GALNTL6: variants seen among roughly 807,000 people sequenced by gnomAD.
The protein encoded by GALNTL6 is polypeptide N-acetylgalactosaminyltransferase-like 6.
GALNTL6 carries 46 observed loss-of-function variants against 73.7 expected under a neutral mutation model. The observed-to-expected ratio is 0.62, with a 90% CI of 0.49 to 0.80. The LOEUF (loss-of-function observed/expected upper bound fraction) is 0.80, where lower values mean the gene tolerates loss of function less well. Ranked by LOEUF, GALNTL6 falls within the 30% of genes least tolerant of loss-of-function variation. The probability of loss-of-function intolerance (pLI) is 0.00; values close to 1 mark genes in which losing one functional copy is unlikely to be tolerated. For missense variants in GALNTL6, 604 were observed against 755.0 expected (o/e 0.80, Z 2.34); for synonymous variants, 259 against 263.7 (o/e 0.98, Z 0.17).
intron 7 of GALNTL6, among the ~76,000 whole-genome samples, chr4:172,845,676 C>T (rs942325316): frequency 6.6e-6 from 1 of 152,114 alleles, no homozygotes; most frequent in African/African-American, 2.4e-5. Flanking sequence ...TAGAATAAAA[C>T]TTCATTAATA....
At chr4:172,823,635 C>T (rs558428955) in intron 7 of GALNTL6, among the ~76,000 whole-genome samples, 1 of 152,178 alleles carries the variant, frequency 6.6e-6, no homozygotes, top group East Asian at 1.9e-4. Context: ...ACCCACAGAG[C>T]AGCCTAAATG....
chr4:173,033,679 A>T (rs958174986), intron 12 of GALNTL6, among the ~76,000 whole-genome samples: 3 of 152,146 alleles, frequency 2.0e-5, no homozygotes, highest in African/African-American at 7.2e-5. Flanking sequence ...CTGACAAACT[A>T]AGTGACCACA....
At chr4:172,154,668 T>C (rs980665741) in intron 2 of GALNTL6, among the ~76,000 whole-genome samples, 3 of 152,212 alleles carry the variant, frequency 2.0e-5, no homozygotes, top group African/African-American at 4.8e-5. Context: ...TCCTCTCACG[T>C]AGTCAGTACT....
In GALNTL6 at chr4:172,828,281, A is replaced by C. The variant is rs202153110; in HGVS notation, c.923+14558A>C. On this transcript the variant is annotated intron_variant, in intron 7 of 12. Transcript: ENST00000506823. Reference sequence around the variant, plus strand: ...AGCAAGACTCCATCTCAAAAAAAAAAAAAAAAAGAAACAAACAAAAAAAAC... The same window carrying C: ...AGCAAGACTCCATCTCAAAAAAAAACAAAAAAAGAAACAAACAAAAAAAAC... 1.0e-3 allele frequency among the ~76,000 whole-genome samples: 157 copies of C among 151,630 alleles called. 1 individual carries two copies. The South Asian group carries it at 0.023, about 22-fold the overall frequency.
intron 5 of GALNTL6, among the ~76,000 whole-genome samples, chr4:172,777,401 G>A (rs928275729): frequency 1.3e-5 from 2 of 151,958 alleles, no homozygotes; most frequent in African/African-American, 2.4e-5. Context: ...TATTTTTCCC[G>A]TATTACCTCT....
Position 172,176,163 on chromosome 4 carries a change from C to T in GALNTL6, c.139-53493C>T, listed in dbSNP as rs182185636. On this transcript the variant is annotated intron_variant, in intron 2 of 12. Coordinates refer to ENST00000506823, the MANE Select transcript of GALNTL6 (RefSeq NM_001034845.3). Reference sequence around the variant, plus strand: ...GACCATCCTGGCTAACACGGTGAAACCCCATCTCTACTAAAAAATACAAAA... The same window carrying T: ...GACCATCCTGGCTAACACGGTGAAATCCCATCTCTACTAAAAAATACAAAA... 2.7e-3 allele frequency among the ~76,000 whole-genome samples: 402 copies of T among 151,082 alleles called. 2 individuals are homozygous for T. Among genetic ancestry groups the T allele is most frequent in the African/African-American group, 9.5e-3 (390 of 41,146 alleles).
At chr4:171,830,395 A>G (rs1734936262) in intron 2 of GALNTL6, among the ~76,000 whole-genome samples, 2 of 152,170 alleles carry the variant, frequency 1.3e-5, no homozygotes, top group South Asian at 4.1e-4. Context: ...AGTGCTTAGC[A>G]TTATCTGACC....
At chr4:172,120,864 A>C (rs1733129910) in intron 2 of GALNTL6, among the ~76,000 whole-genome samples, 1 of 151,936 alleles carries the variant, frequency 6.6e-6, no homozygotes, top group Non-Finnish European at 1.5e-5. Context: ...TAAGTTGGAG[A>C]GTTTTTGGTC....
chr4:172,158,486 G>C (rs1021287256), intron 2 of GALNTL6, among the ~76,000 whole-genome samples: 58 of 151,688 alleles, frequency 3.8e-4, no homozygotes, highest in African/African-American at 1.3e-3. Flanking sequence ...GCTATGTTAA[G>C]TGATGATGTA....
chr4:172,706,592 A>G (rs1731389698), intron 5 of GALNTL6, among the ~76,000 whole-genome samples: 1 of 152,130 alleles, frequency 6.6e-6, no homozygotes. Context: ...TTTCCAGAGT[A>G]TGTCTGTCTG....
intron 5 of GALNTL6, among the ~76,000 whole-genome samples, chr4:172,768,670 A>T (rs1001240459): frequency 6.6e-6 from 1 of 152,118 alleles, no homozygotes; most frequent in Non-Finnish European, 1.5e-5. Flanking sequence ...CCAAATATGA[A>T]TGTGCCTGGA....
chr4:172,252,400 A>G (rs1330022221), intron 3 of GALNTL6, among the ~76,000 whole-genome samples: 1 of 152,172 alleles, frequency 6.6e-6, no homozygotes, highest in East Asian at 1.9e-4. Flanking sequence ...AGGTTGAGAG[A>G]CAGAATATAT....
In GALNTL6 at chr4:172,554,335, G is replaced by A. The variant is rs542578525; in HGVS notation, c.553+205646G>A. 5.3e-5 allele frequency among the ~76,000 whole-genome samples: 8 copies of A among 152,254 alleles called. No individual in the cohort carries two copies. In the East Asian group the frequency reaches 1.5e-3, roughly 29 times the overall value. On this transcript the variant is annotated intron_variant, in intron 5 of 12. Coordinates refer to ENST00000506823, the MANE Select transcript of GALNTL6 (RefSeq NM_001034845.3). ...TTAGTTTTGCCTTTTTCCTTTATAAGTGGACATTGGTTTCTAAAATAATTC... is the reference window on the plus strand; with the variant it reads ...TTAGTTTTGCCTTTTTCCTTTATAAATGGACATTGGTTTCTAAAATAATTC...
At chr4:171,856,622 T>A (rs572182711) in intron 2 of GALNTL6, among the ~76,000 whole-genome samples, 32 of 152,264 alleles carry the variant, frequency 2.1e-4, no homozygotes, top group African/African-American at 7.5e-4. Context: ...GTCTCAAGTA[T>A]TTTTTTCGTT....
chr4:172,497,600 C>G (rs1371632988), intron 5 of GALNTL6, among the ~76,000 whole-genome samples: 1 of 152,208 alleles, frequency 6.6e-6, no homozygotes, highest in Non-Finnish European at 1.5e-5. Context: ...CAGCATCTTT[C>G]TGTCATACAG....
chr4:172,564,267 C>T (rs1038597556), intron 5 of GALNTL6, among the ~76,000 whole-genome samples: 3 of 152,118 alleles, frequency 2.0e-5, no homozygotes, highest in African/African-American at 4.8e-5. Context: ...AGTTGATTTG[C>T]CCTATGCATA....
intron 2 of GALNTL6, among the ~76,000 whole-genome samples, chr4:172,220,621 A>T (rs929549559): frequency 1.4e-4 from 21 of 151,710 alleles, no homozygotes; most frequent in African/African-American, 3.6e-4. Flanking sequence ...ATTTTCATTA[A>T]TTTTTTCCAA....
intron 2 of GALNTL6, among the ~76,000 whole-genome samples, chr4:172,044,712 A>G (rs539102693): frequency 6.6e-6 from 1 of 152,144 alleles, no homozygotes; most frequent in Non-Finnish European, 1.5e-5. Flanking sequence ...GACTCTCTAG[A>G]GTTATTAATC....
intron 5 of GALNTL6, among the ~76,000 whole-genome samples, chr4:172,415,295 T>C (rs1212385998): frequency 1.3e-5 from 2 of 152,194 alleles, no homozygotes; most frequent in Non-Finnish European, 2.9e-5. Context: ...TCAGTTTCAG[T>C]ATTAGCTACA....
Sources: gnomAD v4.1 joint callset for allele counts (sites outside exome capture counted in the v4.1 genomes callset) on GRCh38, gnomAD v4.1.1 for gene constraint, MANE v1.5 for transcripts, NCBI Gene and HGNC (gene_info 2026-07-23, HGNC 2026-07-21) for gene names.